ST3GAL4: variants seen among roughly 807,000 people sequenced by gnomAD.
ST3GAL4 encodes ST3 beta-galactoside alpha-2,3-sialyltransferase 4, also known as CMP-N-acetylneuraminate-beta-galactosamide-alpha-2,3-sialyltransferase 4.
ST3GAL4 carries 24 observed loss-of-function variants against 42.6 expected under a neutral mutation model. The observed-to-expected ratio is 0.56, with a 90% confidence interval of 0.41 to 0.79. The LOEUF (loss-of-function observed/expected upper bound fraction) is 0.79. Ranked by LOEUF, ST3GAL4 falls within the 30% of genes least tolerant of loss-of-function variation. The pLI is 0.00. For synonymous variants in ST3GAL4, 135 were observed against 163.2 expected (o/e 0.83, Z 1.32); for missense variants, 311 against 430.8 (o/e 0.72, Z 2.46).
intron 1 of ST3GAL4, among the ~76,000 whole-genome samples, chr11:126,388,085 A>T (rs1471008906): frequency 6.6e-6 from 1 of 152,250 alleles, no homozygotes; most frequent in Non-Finnish European, 1.5e-5. Flanking sequence ...GTAGAAACAT[A>T]GGAAACTTTG....
chr11:126,357,388 T>C (rs1952107153), intron 1 of ST3GAL4, among the ~76,000 whole-genome samples: 1 of 152,116 alleles, frequency 6.6e-6, no homozygotes, highest in African/African-American at 2.4e-5. Context: ...GAAGAGTGAA[T>C]TGGAAATTGC....
intron 1 of ST3GAL4, among the ~76,000 whole-genome samples, chr11:126,371,372 C>T (rs1446760016): frequency 6.6e-6 from 1 of 151,492 alleles, no homozygotes; most frequent in Non-Finnish European, 1.5e-5. Flanking sequence ...ACCATGTTGG[C>T]CAGGCTGGTC....
At chr11:126,388,186 G>T (rs768414792) in intron 1 of ST3GAL4, among the ~76,000 whole-genome samples, 1 of 152,190 alleles carries the variant, frequency 6.6e-6, no homozygotes, top group South Asian at 2.1e-4. Context: ...CAGGTCCCTC[G>T]TGTTTTGCTG....
rs949405759 is a variant in ST3GAL4, at chr11:126,414,487, G to C, written c.*440G>C. 1 of 180,986 alleles carries C rather than the reference G, an allele frequency of 5.5e-6. No individual in the cohort carries two copies. The highest frequency in any genetic ancestry group is 1.2e-5 in the Non-Finnish European group (1 of 85,072). 11.2% of individuals were successfully genotyped at this position (180,986 alleles called of 1,614,324 possible). On this transcript the variant is annotated 3_prime_UTR_variant, in exon 11 of 11. Transcript: ENST00000444328. ...GCACTGGCCTCCCAGGAGGGCAGGG[G>C]CATTGGGAATGGGTGGGTGCCCTCC...
intron 1 of ST3GAL4, among the ~76,000 whole-genome samples, chr11:126,401,972 T>G (rs1017944832): frequency 2.0e-5 from 3 of 151,508 alleles, no homozygotes; most frequent in Admixed American, 2.0e-4. Flanking sequence ...TGAGCATGTT[T>G]ATAAGTCAGA....
chr11:126,394,174 TC>T (rs1953633075), intron 1 of ST3GAL4, among the ~76,000 whole-genome samples: 1 of 152,174 alleles, frequency 6.6e-6, no homozygotes, highest in East Asian at 1.9e-4. Flanking sequence ...GAAGCCAGAT[TC>T]CAGCCCCAGA....
In ST3GAL4 at chr11:126,376,091, C is replaced by T. The variant is rs1471872139; in HGVS notation, c.-61+20249C>T. Among the ~76,000 whole-genome samples, 1 of 152,062 alleles carries T rather than the reference C, an allele frequency of 6.6e-6. No individual in the cohort carries two copies. The highest frequency in any genetic ancestry group is 1.5e-5 in the Non-Finnish European group (1 of 68,024). On this transcript the variant is annotated intron_variant, in intron 1 of 10. Transcript: ENST00000444328. The surrounding 1 kb of genome is among the most constrained non-coding windows in gnomAD (Gnocchi z 5.1). ...TTCCTGACCACAGAGTTCATAGCCT[C>T]ACAGGCAAGATAGGAAAACACAGAA...
rs1421604900 is a variant in ST3GAL4 at position 126,359,457 on chromosome 11, A to C, written c.-61+3615A>C. Among the ~76,000 whole-genome samples, 1 of 152,188 alleles carries C rather than the reference A, an allele frequency of 6.6e-6. No homozygotes were observed. The highest frequency in any genetic ancestry group is 6.5e-5 in the Admixed American group (1 of 15,284). ...TCGTAAGCAGCTGAGCTAGGACTCA[A>C]ATCCAGGCTTGCTTCCAAAACCTTC... On this transcript the variant is annotated intron_variant, in intron 1 of 10. Coordinates refer to ENST00000444328, the MANE Select transcript of ST3GAL4 (RefSeq NM_001254757.2). The surrounding 1 kb of genome is among the most constrained non-coding windows in gnomAD (Gnocchi z 4.8).
rs534623591 is a variant in ST3GAL4, at chr11:126,405,821, G to C, written c.-60-275G>C. On this transcript the variant is annotated intron_variant, in intron 1 of 10. Coordinates refer to ENST00000444328, the MANE Select transcript of ST3GAL4 (RefSeq NM_001254757.2). ...GAGAAGAACCACACCAGAGAGGCTG[G>C]AGTAGGCCAGCCTGGCTTGGGACCG... is the stretch of plus-strand genomic sequence containing the variant. 6 of 487,862 alleles carry C rather than the reference G, an allele frequency of 1.2e-5. No individual in the cohort carries two copies. In the East Asian group the frequency reaches 1.9e-4, roughly 16 times the overall value. 30.2% of individuals were successfully genotyped at this position (487,862 alleles called of 1,614,324 possible). A position where few individuals can be genotyped will look rare whatever the true frequency, so the allele number is the denominator to read the frequency against.
chr11:126,360,162 T>A (rs1186512744), intron 1 of ST3GAL4, among the ~76,000 whole-genome samples: 4 of 152,190 alleles, frequency 2.6e-5, no homozygotes, highest in Non-Finnish European at 5.9e-5. Flanking sequence ...TTGCTCAGGT[T>A]GGGAGGAGGG....
intron 1 of ST3GAL4, among the ~76,000 whole-genome samples, chr11:126,365,356 A>C (rs1591417038): frequency 6.6e-6 from 1 of 151,686 alleles, no homozygotes; most frequent in South Asian, 2.1e-4. Flanking sequence ...GAGGAGGAGG[A>C]GGCGCTGGCC....
intron 1 of ST3GAL4, among the ~76,000 whole-genome samples, chr11:126,374,626 C>T (rs1206599032): frequency 2.0e-5 from 3 of 152,100 alleles, no homozygotes; most frequent in African/African-American, 4.8e-5. Context: ...GTGCGTGGGG[C>T]AGCCTCCATG....
rs1953118749 is a variant in ST3GAL4, at chr11:126,384,025, C to G, written c.-60-22071C>G. On this transcript the variant is annotated intron_variant, in intron 1 of 10. Transcript: ENST00000444328. This position sits in a 1 kb window ranked among gnomAD's most constrained non-coding sequence, Gnocchi z 5.5. ...TCGTCTGGGGGCCCTGCCCCACTCT[C>G]CCTTCCCAATGCAGGGCCCTCTCCT... Among the ~76,000 whole-genome samples, 1 of 152,222 alleles carries G rather than the reference C, an allele frequency of 6.6e-6. No homozygotes were observed. Among genetic ancestry groups the G allele is most frequent in the Non-Finnish European group, 1.5e-5 (1 of 68,040 alleles).
intron 1 of ST3GAL4, among the ~76,000 whole-genome samples, chr11:126,364,249 G>A (rs1463752324): frequency 6.6e-6 from 1 of 151,654 alleles, no homozygotes; most frequent in African/African-American, 2.4e-5. Context: ...GGCAGAGGAG[G>A]AAAGGAGGAG....
At chr11:126,403,489 A>T (rs1024539890) in intron 1 of ST3GAL4, 41 of 976,276 alleles carry the variant, frequency 4.2e-5, no homozygotes, top group Admixed American at 6.2e-5. Context: ...CAGAGGAGGT[A>T]CGGCGCTGAT....
In ST3GAL4 at chr11:126,383,678, G is replaced by A. The variant is rs1205023523; in HGVS notation, c.-60-22418G>A. On this transcript the variant is annotated intron_variant, in intron 1 of 10. Coordinates refer to ENST00000444328, the MANE Select transcript of ST3GAL4 (RefSeq NM_001254757.2). This position sits in a 1 kb window ranked among gnomAD's most constrained non-coding sequence, Gnocchi z 4.5. ...CCTGTGTAGGTTACTGACATGGGAG[G>A]GCCGGTGTGAGCTGCAGGGACCGGA... is the stretch of plus-strand genomic sequence containing the variant. 6.6e-6 allele frequency among the ~76,000 whole-genome samples: 1 copy of A among 152,136 alleles called. No individual in the cohort carries two copies. Among genetic ancestry groups the A allele is most frequent in the African/African-American group, 2.4e-5 (1 of 41,420 alleles).
In ST3GAL4 at chr11:126,366,615, C is replaced by G. The variant is rs909166570; in HGVS notation, c.-61+10773C>G. Among the ~76,000 whole-genome samples the G allele has an allele frequency of 6.6e-6, 1 of 152,194 alleles. No homozygotes were observed. The highest frequency in any genetic ancestry group is 1.5e-5 in the Non-Finnish European group (1 of 68,026). The stretch of plus-strand genomic sequence containing the variant: ...CCTCCCCTCTGGCGAGTCTGCCTCT[C>G]ACTCGCTCAGCCCCTTTAACCCTGC... On this transcript the variant is annotated intron_variant, in intron 1 of 10. Coordinates refer to ENST00000444328, the MANE Select transcript of ST3GAL4 (RefSeq NM_001254757.2). This position sits in a 1 kb window ranked among gnomAD's most constrained non-coding sequence, Gnocchi z 4.2.
rs766342195 is a variant in ST3GAL4 at position 126,406,108 on chromosome 11, A to G, written c.-48A>G. 1.8e-5 allele frequency: 28 copies of G among 1,551,822 alleles called. No individual in the cohort carries two copies. Among genetic ancestry groups the G allele is most frequent in the East Asian group, 7.3e-5 (3 of 40,922 alleles). On this transcript the variant is annotated 5_prime_UTR_variant, in exon 2 of 11. Coordinates refer to ENST00000444328, the MANE Select transcript of ST3GAL4 (RefSeq NM_001254757.2). This position sits in a 1 kb window ranked among gnomAD's most constrained non-coding sequence, Gnocchi z 5.4. ...TCTTATTTCCTAGGTGGCCCGAGGC[A>G]GCCGGGATGACAGCTCTCCCCAGGA...
intron 1 of ST3GAL4, among the ~76,000 whole-genome samples, chr11:126,401,458 T>G (rs1323298601): frequency 2.0e-5 from 3 of 150,824 alleles, no homozygotes; most frequent in African/African-American, 7.3e-5. Flanking sequence ...TCCCAGCTAC[T>G]AGGGAGGCAC....
Sources: allele counts gnomAD v4.1 joint callset (sites outside exome capture counted in the v4.1 genomes callset), GRCh38; gene constraint gnomAD v4.1.1; non-coding constraint Gnocchi (gnomAD v3.1); transcripts MANE v1.5; gene names NCBI Gene and HGNC (gene_info 2026-07-23, HGNC 2026-07-21).